Variants in KHDRBS2 observed in about 807,000 individuals in gnomAD.
KHDRBS2 encodes the protein KH domain-containing, RNA-binding, signal transduction-associated protein 2.
KHDRBS2 carries 26 observed loss-of-function variants against 44.3 expected under a neutral mutation model. The observed-to-expected ratio is 0.59, with a 90% CI of 0.43 to 0.81. KHDRBS2 has a LOEUF of 0.81. KHDRBS2 is among the 40% of genes least tolerant of loss of function. KHDRBS2 has a pLI of 0.00. For synonymous variants in KHDRBS2, 194 were observed against 151.1 expected (o/e 1.28, Z -2.08); for missense variants, 476 against 433.1 (o/e 1.10, Z -0.88).
rs564999091 is a variant in KHDRBS2 at position 61,914,714 on chromosome 6, T to A, written c.484-13343A>T. Among the ~76,000 whole-genome samples the A allele has an allele frequency of 3.9e-5, 6 of 152,276 alleles. 1 individual carries two copies. Among genetic ancestry groups the A allele is most frequent in the African/African-American group, 1.2e-4 (5 of 41,568 alleles). ...AAAGAGACTTCTTAAATTGGGAATA[T>A]TTCAGTGTGATGTGATTTCTGTCTT... On this transcript the variant is annotated intron_variant, in intron 4 of 8. Coordinates refer to ENST00000281156, the MANE Select transcript of KHDRBS2 (RefSeq NM_152688.4).
At chr6:61,967,389 T>G (rs2127396833) in intron 4 of KHDRBS2, among the ~76,000 whole-genome samples, 1 of 144,680 alleles carries the variant, frequency 6.9e-6, no homozygotes, top group South Asian at 2.3e-4. Flanking sequence ...AGCTGTATGC[T>G]GTGAAGATAG....
chr6:61,660,568 T>C, the KHDRBS2 span, among the ~76,000 whole-genome samples: 2 of 151,824 alleles, frequency 1.3e-5, no homozygotes, highest in South Asian at 4.1e-4. Context: ...AAAACAGAAA[T>C]GTATCTTCCA....
At chr6:61,794,618 C>T (rs1432490636) in intron 6 of KHDRBS2, among the ~76,000 whole-genome samples, 1 of 151,936 alleles carries the variant, frequency 6.6e-6, no homozygotes, top group Non-Finnish European at 1.5e-5. Context: ...CCATAAAAAA[C>T]AACATGGAAT....
At chr6:62,126,970 C>G (rs930293956) in intron 2 of KHDRBS2, among the ~76,000 whole-genome samples, 4 of 152,164 alleles carry the variant, frequency 2.6e-5, no homozygotes, top group Admixed American at 6.6e-5. Flanking sequence ...TTCCGTGTAT[C>G]AAATCAGGCT....
At chr6:62,176,882 TAATC>T (rs1821201983) in intron 2 of KHDRBS2, among the ~76,000 whole-genome samples, 1 of 151,294 alleles carries the variant, frequency 6.6e-6, no homozygotes, top group South Asian at 2.1e-4. Flanking sequence ...GAACCAAAGA[TAATC>T]AAGTGGGTGT....
At chr6:61,667,517 A>T in the KHDRBS2 span, among the ~76,000 whole-genome samples, 1 of 151,294 alleles carries the variant, frequency 6.6e-6, no homozygotes, top group Admixed American at 6.6e-5. Context: ...TTGGACCAAT[A>T]TACCAGTTAA....
chr6:61,719,042 A>G (rs750189664), intron 7 of KHDRBS2, among the ~76,000 whole-genome samples: 3 of 152,180 alleles, frequency 2.0e-5, no homozygotes, highest in Non-Finnish European at 4.4e-5. Flanking sequence ...GTATCTATAC[A>G]TCTTTGCTCT....
the KHDRBS2 span, among the ~76,000 whole-genome samples, chr6:61,600,231 C>T: frequency 6.6e-6 from 1 of 152,118 alleles, no homozygotes; most frequent in Non-Finnish European, 1.5e-5. Flanking sequence ...CCCTTGTGAC[C>T]TACATGTATA....
At chr6:61,914,428 A>G (rs1219295621) in intron 4 of KHDRBS2, among the ~76,000 whole-genome samples, 1 of 146,916 alleles carries the variant, frequency 6.8e-6, no homozygotes, top group Non-Finnish European at 1.5e-5. Context: ...CAAACACTGC[A>G]TGTTCTCACT....
chr6:61,648,350 TGAGAAGAAAGAA>T, the KHDRBS2 span, among the ~76,000 whole-genome samples: 5 of 152,074 alleles, frequency 3.3e-5, no homozygotes, highest in African/African-American at 9.7e-5. Context: ...AACTTCACAT[TGAGAAGAAAGAA>T]TGGATAGTAA....
At chr6:61,872,708 T>C (rs1463604574) in intron 6 of KHDRBS2, among the ~76,000 whole-genome samples, 1 of 152,138 alleles carries the variant, frequency 6.6e-6, no homozygotes, top group East Asian at 1.9e-4. Flanking sequence ...TCTATTTTTA[T>C]GTGGGAAAAC....
intron 1 of KHDRBS2, among the ~76,000 whole-genome samples, chr6:62,205,799 C>T (rs1191740375): frequency 6.6e-6 from 1 of 152,074 alleles, no homozygotes; most frequent in Admixed American, 6.6e-5. Context: ...TGTGTAGGAT[C>T]ATATCAAACT....
intron 2 of KHDRBS2, among the ~76,000 whole-genome samples, chr6:62,072,597 G>A (rs545300087): frequency 1.0e-3 from 156 of 152,042 alleles, no homozygotes; most frequent in African/African-American, 3.2e-3. Context: ...TATTGAGATA[G>A]TCATGTGGTT....
chr6:61,594,080 A>T, the KHDRBS2 span, among the ~76,000 whole-genome samples: 1 of 152,108 alleles, frequency 6.6e-6, no homozygotes, highest in Non-Finnish European at 1.5e-5. Context: ...AATAATCCCA[A>T]ACAATTTACA....
chr6:62,277,738 A>G (rs1231998077), intron 1 of KHDRBS2, among the ~76,000 whole-genome samples: 1 of 152,184 alleles, frequency 6.6e-6, no homozygotes, highest in African/African-American at 2.4e-5. Flanking sequence ...CCTCCAAACT[A>G]TAACTAAAAT....
the KHDRBS2 span, among the ~76,000 whole-genome samples, chr6:61,554,377 T>A: frequency 1.3e-5 from 2 of 152,144 alleles, no homozygotes; most frequent in Non-Finnish European, 2.9e-5. Flanking sequence ...TCCCCATTCC[T>A]TTATTTTGAG....
chr6:61,911,692 A>G (rs1437893961), intron 4 of KHDRBS2, among the ~76,000 whole-genome samples: 3 of 152,058 alleles, frequency 2.0e-5, no homozygotes, highest in Admixed American at 2.0e-4. Context: ...TCCCTCCTAG[A>G]AATTCTCCTA....
intron 3 of KHDRBS2, among the ~76,000 whole-genome samples, chr6:62,020,271 A>G (rs1782014035): frequency 6.6e-6 from 1 of 151,924 alleles, no homozygotes; most frequent in South Asian, 2.1e-4. Flanking sequence ...TAACATATTT[A>G]TTTGCTTATT....
chr6:61,660,591 C>G, the KHDRBS2 span, among the ~76,000 whole-genome samples: 1 of 151,788 alleles, frequency 6.6e-6, no homozygotes, highest in Admixed American at 6.6e-5. Flanking sequence ...TCATCTGTAT[C>G]TCTGATCAGC....
Sources: gnomAD v4.1 joint callset for allele counts (sites outside exome capture counted in the v4.1 genomes callset) on GRCh38, gnomAD v4.1.1 for gene constraint, MANE v1.5 for transcripts, NCBI Gene and HGNC (gene_info 2026-07-23, HGNC 2026-07-21) for gene names.